The following SLC2A1 variants were observed in gnomAD, a reference collection of about 807,000 sequenced individuals.
SLC2A1 encodes the protein solute carrier family 2 member 1.
In SLC2A1, 4 loss-of-function variants were observed where a neutral mutation model predicts 46.6. The ratio of observed to expected loss-of-function variants is 0.09; its 90% CI spans 0.04 to 0.20. The LOEUF (loss-of-function observed/expected upper bound fraction) is 0.20, where lower values mean the gene tolerates loss of function less well. Ranked by LOEUF, SLC2A1 falls within the 10% of genes least tolerant of loss-of-function variation. The pLI, the probability that SLC2A1 is intolerant of heterozygous loss-of-function variation, is 1.00. For missense variants in SLC2A1, 352 were observed against 667.0 expected (o/e 0.53, Z 5.20); for synonymous variants, 253 against 270.0 (o/e 0.94, Z 0.62).
chr1:42,936,906 T>C (rs1250460289), intron 2 of SLC2A1, among the ~76,000 whole-genome samples: 1 of 151,958 alleles, frequency 6.6e-6, no homozygotes, highest in Non-Finnish European at 1.5e-5. Flanking sequence ...CTGCAACTGG[T>C]TCTCAAACAG....
rs1466673582 is a variant in SLC2A1, at chr1:42,929,756, G to A, written c.704C>T (p.Ala235Val). The A allele has an allele frequency of 2.4e-5, 38 of 1,614,100 alleles. No individual in the cohort carries two copies. The highest frequency in any genetic ancestry group is 3.2e-5 in the Non-Finnish European group (38 of 1,180,044). Residue 235 changes from alanine (A) to valine (V), a missense_variant, in exon 6 of 10, where the codon GCT (alanine) becomes GTT (valine). By Grantham distance (64) the Ala-to-Val change is moderately conservative. This residue lies in a region of SLC2A1 where 167 missense variants were observed against 280.8 expected (regional missense o/e 0.59). Coordinates refer to ENST00000426263, the MANE Select transcript of SLC2A1 (RefSeq NM_006516.4). This position sits in a 1 kb window ranked among gnomAD's most constrained non-coding sequence, Gnocchi z 6.0. ...KSVLKKLRGT[A>V]DVTHDLQEMK... ...CTCCTGCAGGTCATGGGTCACGTCA[G>A]CTGTCCCGCGCAGCTTCTTTAGCAC...
At chr1:42,932,319 T>C (rs909732968) in intron 2 of SLC2A1, among the ~76,000 whole-genome samples, 36 of 148,346 alleles carry the variant, frequency 2.4e-4, no homozygotes, top group Non-Finnish European at 1.6e-4. Context: ...GCAGCACCCG[T>C]TCTGCCTGAG....
rs1643421710 is a variant in SLC2A1 at position 42,926,049 on chromosome 1, A to T, written c.*992T>A. 1 of 152,526 alleles carries T rather than the reference A, an allele frequency of 6.6e-6. No individual in the cohort carries two copies. Among genetic ancestry groups the T allele is most frequent in the Non-Finnish European group, 1.5e-5 (1 of 68,046 alleles). The allele number at this position is 152,526 out of a possible 1,614,324, so 9.4% of individuals were successfully genotyped here. A position where few individuals can be genotyped will look rare whatever the true frequency, so the allele number is the denominator to read the frequency against. On this transcript the variant is annotated 3_prime_UTR_variant, in exon 10 of 10. Transcript: ENST00000426263. ...ATGAGAGGTACGTGTAAGGGACTGG[A>T]TCCTGAGTCGAAGTCTAAGCCGTTG...
chr1:42,940,016 G>A (rs1643581121), intron 2 of SLC2A1, among the ~76,000 whole-genome samples: 1 of 149,244 alleles, frequency 6.7e-6, no homozygotes, highest in South Asian at 2.1e-4. Context: ...CCTCCCTTCT[G>A]CTCCGACACC....
chr1:42,932,828 C>T (rs1368103284), intron 2 of SLC2A1, among the ~76,000 whole-genome samples: 1 of 152,222 alleles, frequency 6.6e-6, no homozygotes, highest in Non-Finnish European at 1.5e-5. Context: ...CCATCTTTTC[C>T]CCTGCCCTGT....
intron 2 of SLC2A1, among the ~76,000 whole-genome samples, chr1:42,936,992 C>T (rs1439513832): frequency 6.6e-6 from 1 of 152,152 alleles, no homozygotes; most frequent in Non-Finnish European, 1.5e-5. Flanking sequence ...CTACTGGTAT[C>T]TAGAGGGCAG....
chr1:42,945,457 G>A (rs1643644180), intron 1 of SLC2A1, among the ~76,000 whole-genome samples: 1 of 151,920 alleles, frequency 6.6e-6, no homozygotes, highest in Admixed American at 6.6e-5. Context: ...TGGGGGTAGG[G>A]GGAGAATATA....
chr1:42,946,835 T>C (rs1349515871), intron 1 of SLC2A1, among the ~76,000 whole-genome samples: 2 of 152,198 alleles, frequency 1.3e-5, no homozygotes, highest in Admixed American at 6.5e-5. Flanking sequence ...TATAGCCGGC[T>C]TGATCATTGC....
At chr1:42,944,579 T>C (rs1277006095) in intron 1 of SLC2A1, among the ~76,000 whole-genome samples, 1 of 151,944 alleles carries the variant, frequency 6.6e-6, no homozygotes, top group African/African-American at 2.4e-5. Flanking sequence ...GCCCTGGGCA[T>C]AGCTGTTACC....
At chr1:42,953,871 A>G (rs1254069118) in intron 1 of SLC2A1, among the ~76,000 whole-genome samples, 1 of 152,176 alleles carries the variant, frequency 6.6e-6, no homozygotes, top group Admixed American at 6.5e-5. Flanking sequence ...GGCTGTTTAC[A>G]TCATTTGTAC....
In SLC2A1 at chr1:42,930,370, G is replaced by A. The variant is rs1002555658; in HGVS notation, c.516+256C>T. On this transcript the variant is annotated intron_variant, in intron 4 of 9. Coordinates refer to ENST00000426263, the MANE Select transcript of SLC2A1 (RefSeq NM_006516.4). This position sits in a 1 kb window ranked among gnomAD's most constrained non-coding sequence, Gnocchi z 6.2. ...GAGGGTACTGTGCATAACAGCCTGC[G>A]GCATGTTGGGGGAAGGCGGGCCCTG... 11 of 679,288 alleles carry A rather than the reference G, an allele frequency of 1.6e-5. No homozygotes were observed. Among genetic ancestry groups the A allele is most frequent in the African/African-American group, 7.1e-5 (4 of 56,018 alleles). The allele number at this position is 679,288 out of a possible 1,614,324, so 42.1% of individuals were successfully genotyped here.
intron 1 of SLC2A1, among the ~76,000 whole-genome samples, chr1:42,957,615 G>A (rs576085742): frequency 6.6e-6 from 1 of 152,216 alleles, no homozygotes; most frequent in Non-Finnish European, 1.5e-5. Flanking sequence ...GGGGAGGAAA[G>A]GAGGTGGAAA....
Position 42,930,839 on chromosome 1 carries a change from C to T in SLC2A1, c.303G>A (p.Leu101=), listed in dbSNP as rs1000633105. The change falls in exon 4 of 10, where the codon CTG becomes CTA. Residue 101 remains leucine, a synonymous_variant. Transcript: ENST00000426263. The surrounding 1 kb of genome is among the most constrained non-coding windows in gnomAD (Gnocchi z 6.2). ...TGAGCACGGCGGACACGAAGGCCAG[C>T]AGGTTCATCATCAGCATTGAATTCC... is the stretch of plus-strand genomic sequence containing the variant. ...GRRNSMLMMN[L]LAFVSAVLMG... 2 of 1,600,684 alleles carry T rather than the reference C, an allele frequency of 1.2e-6. No homozygotes were observed. Among genetic ancestry groups the T allele is most frequent in the African/African-American group, 1.3e-5 (1 of 74,924 alleles).
At chr1:42,938,811 C>T (rs574214240) in intron 2 of SLC2A1, among the ~76,000 whole-genome samples, 2 of 152,360 alleles carry the variant, frequency 1.3e-5, no homozygotes, top group South Asian at 4.1e-4. Flanking sequence ...GCATGGCTGC[C>T]AAGTCCTTCG....
intron 1 of SLC2A1, among the ~76,000 whole-genome samples, chr1:42,957,973 C>T (rs1381538494): frequency 2.0e-5 from 3 of 152,180 alleles, no homozygotes; most frequent in Non-Finnish European, 4.4e-5. Flanking sequence ...AAAGGAGAGC[C>T]TCCGAGACCG....
intron 2 of SLC2A1, among the ~76,000 whole-genome samples, chr1:42,938,798 C>T (rs1375516329): frequency 4.6e-5 from 7 of 152,348 alleles, no homozygotes; most frequent in African/African-American, 7.2e-5. Flanking sequence ...CCTTCAAGGT[C>T]GAGCATGGCT....
Position 42,930,159 on chromosome 1 carries a change from T to A in SLC2A1, c.517-124A>T. On this transcript the variant is annotated intron_variant, in intron 4 of 9. Coordinates refer to ENST00000426263, the MANE Select transcript of SLC2A1 (RefSeq NM_006516.4). This position sits in a 1 kb window ranked among gnomAD's most constrained non-coding sequence, Gnocchi z 6.2. ...AGGGAAGGGCCCCAGTTCTAGAGGC[T>A]CTGCCACTAGCATGAGCCCTGTTTC... The A allele has an allele frequency of 1.9e-6, 2 of 1,060,606 alleles. No homozygotes were observed. Among genetic ancestry groups the A allele is most frequent in the Non-Finnish European group, 2.8e-6 (2 of 702,696 alleles). The allele number at this position is 1,060,606 out of a possible 1,614,324, so 65.7% of individuals were successfully genotyped here. A position where few individuals can be genotyped will look rare whatever the true frequency, so the allele number is the denominator to read the frequency against.
chr1:42,941,831 C>G (rs1643601592), intron 2 of SLC2A1, among the ~76,000 whole-genome samples: 1 of 152,224 alleles, frequency 6.6e-6, no homozygotes, highest in Non-Finnish European at 1.5e-5. Flanking sequence ...GAGCACTTAG[C>G]AAATGCAGGG....
intron 1 of SLC2A1, among the ~76,000 whole-genome samples, chr1:42,944,069 G>A (rs1156409305): frequency 1.3e-5 from 2 of 152,286 alleles, no homozygotes; most frequent in South Asian, 2.1e-4. Context: ...CAAACCATAA[G>A]CCTCCCAAGG....
Sources: gnomAD v4.1 joint callset for allele counts (sites outside exome capture counted in the v4.1 genomes callset) on GRCh38, gnomAD v4.1.1 for gene constraint, gnomAD v4.1.1 regional missense constraint, Gnocchi (gnomAD v3.1) non-coding constraint, MANE v1.5 for transcripts, NCBI Gene and HGNC (gene_info 2026-07-23, HGNC 2026-07-21) for gene names.